Variants in NANOS3 observed in about 807,000 individuals in gnomAD.
The protein encoded by NANOS3 is nanos C2HC-type zinc finger 3, also known as nanos homolog 3.
A neutral mutation model predicts 13.8 loss-of-function variants in NANOS3; 11 were observed. The ratio of observed to expected loss-of-function variants is 0.80; its 90% confidence interval spans 0.50 to 1.32. The LOEUF (loss-of-function observed/expected upper bound fraction) is 1.32, where lower values mean the gene tolerates loss of function less well. NANOS3 is among the 40% of genes most tolerant of loss of function. NANOS3 has a pLI of 0.00. For synonymous variants in NANOS3, 119 were observed against 115.4 expected (o/e 1.03, Z -0.20); for missense variants, 221 against 263.8 (o/e 0.84, Z 1.12).
chr19:13,872,145 G>C (rs1007265138), upstream of NANOS3, among the ~76,000 whole-genome samples: 1 of 152,150 alleles, frequency 6.6e-6, no homozygotes. Flanking sequence ...AGGAGTTGGA[G>C]ACCAACCTGG....
At chr19:13,867,254 T>C (rs1976256106) in intron 1 of NANOS3, among the ~76,000 whole-genome samples, 1 of 152,100 alleles carries the variant, frequency 6.6e-6, no homozygotes, top group African/African-American at 2.4e-5. Context: ...GTTTCCTTTT[T>C]ATTTTTTTGA....
intron 1 of NANOS3, among the ~76,000 whole-genome samples, chr19:13,879,073 G>A (rs974465805): frequency 6.6e-6 from 1 of 151,984 alleles, no homozygotes; most frequent in African/African-American, 2.4e-5. Flanking sequence ...CCGAGTAGCT[G>A]GGATTACAGG....
At chr19:13,868,751 G>A (rs372072488) in intron 1 of NANOS3, among the ~76,000 whole-genome samples, 12 of 151,876 alleles carry the variant, frequency 7.9e-5, no homozygotes, top group South Asian at 6.3e-4. Context: ...ATGGGATGGG[G>A]GGGACACCAT....
At chr19:13,879,836 C>G (rs1215159566) in intron 1 of NANOS3, among the ~76,000 whole-genome samples, 2 of 151,970 alleles carry the variant, frequency 1.3e-5, no homozygotes, top group East Asian at 3.9e-4. Context: ...ACCAGCCTGG[C>G]CAACATGGTG....
upstream of NANOS3, chr19:13,875,120 G>A (rs994254004): frequency 1.4e-5 from 5 of 360,440 alleles, no homozygotes; most frequent in African/African-American, 6.3e-5. Flanking sequence ...GATGGGCTCT[G>A]GCTGGATTTG....
At chr19:13,878,674 G>C (rs773014079) in intron 1 of NANOS3, among the ~76,000 whole-genome samples, 1 of 149,778 alleles carries the variant, frequency 6.7e-6, no homozygotes, top group African/African-American at 2.5e-5. Flanking sequence ...GAGTTCAGTG[G>C]TGCGATCTTG....
intron 1 of NANOS3, among the ~76,000 whole-genome samples, chr19:13,880,146 C>T (rs1968602024): frequency 6.6e-6 from 1 of 152,204 alleles, no homozygotes; most frequent in Non-Finnish European, 1.5e-5. Context: ...TGGTGTCCTG[C>T]GGCCAGCCTT....
chr19:13,880,659 C>G lies in NANOS3; in HGVS notation c.*156C>G. Reference sequence around the variant, plus strand: ...TTGGCAAGGGAAGAGCTGAAATCGCCCTGTCCTTGGGGACCCCACCCTTTG... The same window carrying G: ...TTGGCAAGGGAAGAGCTGAAATCGCGCTGTCCTTGGGGACCCCACCCTTTG... On this transcript the variant is annotated 3_prime_UTR_variant, in exon 2 of 2. Coordinates refer to ENST00000339133, the MANE Select transcript of NANOS3 (RefSeq NM_001098622.3). 1.5e-6 allele frequency: 1 copy of G among 655,264 alleles called. No homozygotes were observed. The highest frequency in any genetic ancestry group is 2.7e-6 in the Non-Finnish European group (1 of 373,768). The allele number at this position is 655,264 out of a possible 1,614,324, so 40.6% of individuals were successfully genotyped here. A position where few individuals can be genotyped will look rare whatever the true frequency, so the allele number is the denominator to read the frequency against.
chr19:13,874,948 C>A (rs1463288540), upstream of NANOS3: 1 of 531,016 alleles, frequency 1.9e-6, no homozygotes, highest in African/African-American at 1.9e-5. Flanking sequence ...GGACTGAGGC[C>A]AGACCCACCG....
intron 1 of NANOS3, among the ~76,000 whole-genome samples, chr19:13,871,557 C>A (rs1467022680): frequency 6.6e-6 from 1 of 152,204 alleles, no homozygotes; most frequent in African/African-American, 2.4e-5. Context: ...CAGGGAACAA[C>A]CTCCTTGGCA....
chr19:13,874,870 G>A, upstream of NANOS3: 1 of 525,580 alleles, frequency 1.9e-6, no homozygotes, highest in South Asian at 1.4e-5. Context: ...ATCCAGCCTG[G>A]GCACGTCCCC....
chr19:13,865,228 ACAGG>A (rs1976214093), upstream of NANOS3, among the ~76,000 whole-genome samples: 1 of 145,588 alleles, frequency 6.9e-6, no homozygotes, highest in East Asian at 2.1e-4. Flanking sequence ...ACCGAGACAG[ACAGG>A]CGGGCGGGCG....
upstream of NANOS3, among the ~76,000 whole-genome samples, chr19:13,875,527 G>A (rs144910765): frequency 4.4e-3 from 676 of 151,982 alleles, 5 homozygotes; most frequent in African/African-American, 0.016. Context: ...GTTCTGCTCC[G>A]TGGAGTGCTC....
chr19:13,868,381 C>G (rs1976274178), intron 1 of NANOS3, among the ~76,000 whole-genome samples: 1 of 151,782 alleles, frequency 6.6e-6, no homozygotes, highest in African/African-American at 2.4e-5. Context: ...TATTGAGCAT[C>G]TGTTATGTAC....
chr19:13,867,389 C>T (rs1230037145), intron 1 of NANOS3, among the ~76,000 whole-genome samples: 6 of 151,618 alleles, frequency 4.0e-5, no homozygotes, highest in African/African-American at 1.5e-4. Flanking sequence ...CTCAGCTTCC[C>T]GAGTAGCTGG....
chr19:13,867,517 G>A (rs994458472), intron 1 of NANOS3, among the ~76,000 whole-genome samples: 1 of 151,818 alleles, frequency 6.6e-6, no homozygotes, highest in Admixed American at 6.6e-5. Context: ...CACCCACCTC[G>A]GCTTCCCAGA....
chr19:13,877,659 C>T lies in NANOS3; in HGVS notation c.411C>T (p.Ser137=), dbSNP rs181114778. Reference sequence around the variant, plus strand: ...CACTTACTGGCCAGGGCTACACCTCCGTCTACAGCCACACCACCCGAAACT... The same window carrying T: ...CACTTACTGGCCAGGGCTACACCTCTGTCTACAGCCACACCACCCGAAACT... ...FCPLTGQGYT[S]VYSHTTRNSA... Residue 137 remains serine (S), a synonymous_variant, in exon 1 of 2, where the codon TCC becomes TCT. Coordinates refer to ENST00000339133, the MANE Select transcript of NANOS3 (RefSeq NM_001098622.3). 26 of 1,611,988 alleles carry T rather than the reference C, an allele frequency of 1.6e-5. No individual in the cohort carries two copies. The highest frequency in any genetic ancestry group is 1.7e-4 in the Middle Eastern group (1 of 6,060).
chr19:13,872,132 C>T (rs1264869462), intron 1 of NANOS3, among the ~76,000 whole-genome samples: 1 of 152,120 alleles, frequency 6.6e-6, no homozygotes, highest in Non-Finnish European at 1.5e-5. Context: ...CTTTGGGAGG[C>T]CCAGGAGTTG....
At chr19:13,877,949 C>T (rs1032771069) in intron 1 of NANOS3, among the ~76,000 whole-genome samples, 184 bp downstream of exon 1, 2 of 152,214 alleles carry the variant, frequency 1.3e-5, no homozygotes, top group African/African-American at 4.8e-5. Flanking sequence ...CTTTCTGTTG[C>T]TCAGGCTGGA....
Sources: allele counts gnomAD v4.1 joint callset (sites outside exome capture counted in the v4.1 genomes callset), GRCh38; gene constraint gnomAD v4.1.1; transcripts MANE v1.5; gene names NCBI Gene and HGNC (gene_info 2026-07-23, HGNC 2026-07-21).